NCKAP5: variants seen among roughly 807,000 people sequenced by gnomAD.
The protein encoded by NCKAP5 is NCK associated protein 5.
NCKAP5 carries 92 observed loss-of-function variants against 167.0 expected under a neutral mutation model. That is an observed-to-expected ratio of 0.55 (90% confidence interval 0.47 to 0.66). NCKAP5 has a LOEUF of 0.66. Among genes scored for constraint, NCKAP5 ranks in the 30% least tolerant of loss-of-function variants. The pLI is 0.00. For missense variants in NCKAP5, 2,378 were observed against 2,315.0 expected, an observed-to-expected ratio of 1.03 and a Z score of -0.56; for synonymous variants, 891 against 877.4, an observed-to-expected ratio of 1.02 and a Z score of -0.27.
intron 13 of NCKAP5, among the ~76,000 whole-genome samples, chr2:132,789,129 C>G (rs1242406182): frequency 1.3e-5 from 2 of 151,978 alleles, no homozygotes; most frequent in African/African-American, 4.8e-5. Context: ...AGAATTCCAG[C>G]CAAAAATTAA....
intron 2 of NCKAP5, among the ~76,000 whole-genome samples, chr2:133,541,905 G>A (rs529432822): frequency 1.3e-5 from 2 of 152,216 alleles, no homozygotes; most frequent in African/African-American, 4.8e-5. Context: ...TGCTACTGCT[G>A]CTGCCTCCAA....
chr2:133,165,939 C>G (rs1437205457), intron 5 of NCKAP5, among the ~76,000 whole-genome samples: 1 of 152,174 alleles, frequency 6.6e-6, no homozygotes, highest in Non-Finnish European at 1.5e-5. Context: ...CACTAGTCAA[C>G]CAATGTTTGA....
intron 8 of NCKAP5, among the ~76,000 whole-genome samples, chr2:132,920,785 A>G (rs546290917): frequency 0.012 from 869 of 70,598 alleles, 77 homozygotes; most frequent in African/African-American, 0.044. Context: ...ATATATATAT[A>G]TATATATATA....
chr2:132,783,789 G>C lies in NCKAP5; in HGVS notation c.3022C>G (p.Pro1008Ala), dbSNP rs371045003. ...VAFKKPIFTH[P>A]MPSPEAVIQT... ...ATGACTGCTTCTGGGGAGGGCATAG[G>C]GTGAGTGAAGATAGGCTTTTTGAAG... The change falls in exon 14 of 20, where the codon CCT becomes GCT. Residue 1008 changes from proline to alanine, a missense_variant. By Grantham distance (27) the Pro-to-Ala change is conservative (BLOSUM62 -1). Transcript: ENST00000409261. 1 of 1,553,820 alleles carries C rather than the reference G, an allele frequency of 6.4e-7. No homozygotes were observed. Among genetic ancestry groups the C allele is most frequent in the South Asian group, 1.2e-5 (1 of 80,252 alleles).
intron 6 of NCKAP5, among the ~76,000 whole-genome samples, chr2:133,053,013 T>C (rs1444589059): frequency 6.6e-6 from 1 of 151,964 alleles, no homozygotes; most frequent in Non-Finnish European, 1.5e-5. Context: ...GAGGGGGAGA[T>C]AAAAAACATA....
intron 4 of NCKAP5, among the ~76,000 whole-genome samples, chr2:133,281,957 C>T (rs1216401328): frequency 6.6e-6 from 1 of 152,170 alleles, no homozygotes; most frequent in Non-Finnish European, 1.5e-5. Context: ...GCTAACAATT[C>T]ATTGGCCAGA....
intron 6 of NCKAP5, among the ~76,000 whole-genome samples, chr2:133,024,944 T>C (rs1034336675): frequency 3.9e-5 from 6 of 152,232 alleles, no homozygotes; most frequent in Non-Finnish European, 5.9e-5. Flanking sequence ...TTTGACTATA[T>C]GCCATATAGA....
chr2:132,786,447 A>G (rs1329637292), intron 13 of NCKAP5, among the ~76,000 whole-genome samples: 4 of 152,212 alleles, frequency 2.6e-5, no homozygotes, highest in Admixed American at 1.3e-4. Context: ...ACATATACAC[A>G]TACACACATA....
intron 8 of NCKAP5, among the ~76,000 whole-genome samples, chr2:132,934,199 CG>C: frequency 6.6e-6 from 1 of 152,268 alleles, no homozygotes; most frequent in Middle Eastern, 3.4e-3. Flanking sequence ...AAAATAGATA[CG>C]TGTGCAGCCA....
rs1683423369 is a variant in NCKAP5 at position 132,784,960 on chromosome 2, C to G, written c.1851G>C (p.Leu617=). Residue 617 remains leucine (L), a synonymous_variant, in exon 14 of 20, where the codon CTG becomes CTC. Coordinates refer to ENST00000409261, the MANE Select transcript of NCKAP5 (RefSeq NM_207363.3). ...ATTTTCCAAACCCCACAAGGACATC[C>G]AGGTTCTCCACGGACTTATCGGTGT... ...AADTDKSVEN[L]DVLVGFGKSL... The G allele has an allele frequency of 6.2e-7, 1 of 1,611,090 alleles. No individual in the cohort carries two copies. Among genetic ancestry groups the G allele is most frequent in the Non-Finnish European group, 8.5e-7 (1 of 1,178,572 alleles).
the NCKAP5 span, among the ~76,000 whole-genome samples, chr2:133,612,837 G>A: frequency 6.6e-6 from 1 of 152,186 alleles, no homozygotes; most frequent in Non-Finnish European, 1.5e-5. Context: ...TGGATGTGAA[G>A]CCTTTATAAC....
chr2:133,137,993 T>G (rs2149825043), intron 5 of NCKAP5, among the ~76,000 whole-genome samples: 1 of 152,244 alleles, frequency 6.6e-6, no homozygotes. Flanking sequence ...ATTTGATTTT[T>G]TTTAGATGGG....
intron 7 of NCKAP5, among the ~76,000 whole-genome samples, chr2:132,993,052 G>C (rs1436838810): frequency 6.6e-6 from 1 of 152,086 alleles, no homozygotes; most frequent in Non-Finnish European, 1.5e-5. Context: ...CAACCAGTTG[G>C]GTTGCAGAGC....
chr2:133,216,016 G>A (rs1299830874), intron 4 of NCKAP5, among the ~76,000 whole-genome samples: 1 of 151,940 alleles, frequency 6.6e-6, no homozygotes, highest in Non-Finnish European at 1.5e-5. Flanking sequence ...TTCTAATAAT[G>A]TCAAAAATTA....
At chr2:133,194,682 A>C (rs1384998579) in intron 5 of NCKAP5, among the ~76,000 whole-genome samples, 1 of 151,802 alleles carries the variant, frequency 6.6e-6, no homozygotes, top group Non-Finnish European at 1.5e-5. Context: ...GGTCTTGCTC[A>C]CTTTTACACC....
At chr2:132,799,195 A>G (rs1309303037) in intron 11 of NCKAP5, among the ~76,000 whole-genome samples, 1 of 152,088 alleles carries the variant, frequency 6.6e-6, no homozygotes, top group Non-Finnish European at 1.5e-5. Context: ...TGGAAGCTAG[A>G]TACTGAGCAC....
chr2:133,560,495 C>T (rs1688077718), intron 1 of NCKAP5, among the ~76,000 whole-genome samples: 1 of 152,086 alleles, frequency 6.6e-6, no homozygotes, highest in African/African-American at 2.4e-5. Context: ...GTAAAGAAAG[C>T]CTTCCTCAGG....
intron 6 of NCKAP5, among the ~76,000 whole-genome samples, chr2:133,073,081 T>G (rs2080473688): frequency 6.6e-6 from 1 of 152,200 alleles, no homozygotes; most frequent in Non-Finnish European, 1.5e-5. Context: ...TTTTTGTGCT[T>G]GTTTCTTGTA....
At chr2:133,432,770 C>G (rs1281670895) in intron 3 of NCKAP5, among the ~76,000 whole-genome samples, 6 of 152,202 alleles carry the variant, frequency 3.9e-5, no homozygotes, top group Non-Finnish European at 7.3e-5. Flanking sequence ...ACAATCATAA[C>G]TATTCATGGT....
Sources: gnomAD v4.1 joint callset for allele counts (sites outside exome capture counted in the v4.1 genomes callset) on GRCh38, gnomAD v4.1.1 for gene constraint, MANE v1.5 for transcripts, NCBI Gene and HGNC (gene_info 2026-07-23, HGNC 2026-07-21) for gene names.